Variants in SSC5D observed in about 807,000 individuals in gnomAD.
The protein encoded by SSC5D is soluble scavenger receptor cysteine-rich domain-containing protein SSC5D.
Under a neutral mutation model 104.6 loss-of-function variants are expected in SSC5D, and 106 were observed. The ratio of observed to expected loss-of-function variants is 1.01; its 90% CI spans 0.87 to 1.19. SSC5D has a LOEUF of 1.19. SSC5D is among the 50% of genes most tolerant of loss of function. The probability of loss-of-function intolerance (pLI) is 0.00; values close to 1 mark genes in which losing one functional copy is unlikely to be tolerated. For missense variants in SSC5D, 1,993 were observed against 2,153.8 expected, an observed-to-expected ratio of 0.93 and a Z score of 1.48; for synonymous variants, 860 against 883.5, an observed-to-expected ratio of 0.97 and a Z score of 0.47.
intron 2 of SSC5D, 49 bp from the exon 3 acceptor site, chr19:55,489,305 G>A (rs1263922750): frequency 7.1e-7 from 1 of 1,417,566 alleles, no homozygotes; most frequent in East Asian, 2.8e-5. Flanking sequence ...CTGGCCTTGG[G>A]GCCCCCAGGA....
Position 55,494,790 on chromosome 19 carries a change from C to T in SSC5D, c.1387+7C>T. On this transcript the variant is annotated splice_region_variant and intron_variant, in intron 8 of 13. Transcript: ENST00000389623. ...GAGCCTGGACCGGAAGCCGGTGAGT[C>T]CCTCCATGCTCCCCAAGAAAACAGG... 2 of 1,534,258 alleles carry T rather than the reference C, an allele frequency of 1.3e-6. No individual in the cohort carries two copies. The highest frequency in any genetic ancestry group is 1.2e-5 in the South Asian group (1 of 82,722).
In SSC5D at chr19:55,500,986, C is replaced by A. The variant is rs757529065; in HGVS notation, c.2618-48C>A. The A allele has an allele frequency of 1.9e-6, 3 of 1,548,546 alleles. No individual in the cohort carries two copies. Among genetic ancestry groups the A allele is most frequent in the Middle Eastern group, 1.7e-4 (1 of 5,980 alleles). On this transcript the variant is annotated intron_variant, in intron 11 of 13. Transcript: ENST00000389623. This position sits in a 1 kb window ranked among gnomAD's most constrained non-coding sequence, Gnocchi z 4.6. Reference sequence around the variant, plus strand: ...GGGGAGGGAAGAGCAGCAGCAAGGACCTCTGAGAAAGAGGATGGGGTCAAC... The same window carrying A: ...GGGGAGGGAAGAGCAGCAGCAAGGAACTCTGAGAAAGAGGATGGGGTCAAC...
In SSC5D at chr19:55,489,918, C is replaced by T; in HGVS notation, c.398C>T (p.Ser133Phe). 1.3e-6 allele frequency: 2 copies of T among 1,550,220 alleles called. No individual in the cohort carries two copies. Among genetic ancestry groups the T allele is most frequent in the Non-Finnish European group, 1.7e-6 (2 of 1,146,724 alleles). The part of the protein sequence containing the change: ...RVANSRDDST[S>F]PLDGAPWPGL... ...GCTAACTCCAGGGACGACTCAACAT[C>T]TCCCCTGGATGGGGCTCCCTGGCCA... Residue 133 changes from serine (S) to phenylalanine (F), a missense_variant, in exon 4 of 14, where the codon TCT becomes TTT. Around this residue, in one of 6 missense-constraint regions of SSC5D, gnomAD observed 1,101 missense variants for 1,085.0 expected, o/e 1.01. Coordinates refer to ENST00000389623, the MANE Select transcript of SSC5D (RefSeq NM_001144950.2).
rs1414307178 is a variant in SSC5D at position 55,509,280 on chromosome 19, G to C, written c.2786-3731G>C. Among the ~76,000 whole-genome samples the C allele has an allele frequency of 1.3e-5, 2 of 152,186 alleles. 1 individual carries two copies. The highest frequency in any genetic ancestry group is 4.8e-5 in the African/African-American group (2 of 41,438). ...TGAAGGCTGTAGGATAAAGGTGTGA[G>C]TGAGGATCCCCATGCACTTAGTGGG... is the stretch of plus-strand genomic sequence containing the variant. On this transcript the variant is annotated intron_variant, in intron 12 of 13. Coordinates refer to ENST00000389623, the MANE Select transcript of SSC5D (RefSeq NM_001144950.2).
chr19:55,507,551 A>G (rs1374728770), intron 12 of SSC5D, among the ~76,000 whole-genome samples: 1 of 151,072 alleles, frequency 6.6e-6, no homozygotes, highest in Non-Finnish European at 1.5e-5. Flanking sequence ...CTATAATCCC[A>G]GCTACTCGGG....
rs1466515521 is a variant in SSC5D, at chr19:55,501,164, T to A, written c.2748T>A (p.Gly916=). 6.5e-7 allele frequency: 1 copy of A among 1,545,796 alleles called. No individual in the cohort carries two copies. Among genetic ancestry groups the A allele is most frequent in the African/African-American group, 1.4e-5 (1 of 72,862 alleles). Residue 916 remains glycine (G), a synonymous_variant, in exon 12 of 14, where the codon GGT becomes GGA. Transcript: ENST00000389623. ...CCTGGAGGACCACCCGGCGCCCGGG[T>A]AGCTCCTCCCCAGCAATAAGGCGCC... ...TLPWRTTRRP[G]SSSPAIRRLP...
At chr19:55,516,384 C>T (rs1165449919) in intron 13 of SSC5D, among the ~76,000 whole-genome samples, 1 of 152,016 alleles carries the variant, frequency 6.6e-6, no homozygotes, top group African/African-American at 2.4e-5. Flanking sequence ...GTAGTCCCAG[C>T]TACTCGGGAG....
In SSC5D at chr19:55,494,691, C is replaced by T. The variant is rs923221056; in HGVS notation, c.1295C>T (p.Pro432Leu). 7.1e-6 allele frequency: 11 copies of T among 1,550,422 alleles called. No homozygotes were observed. The highest frequency in any genetic ancestry group is 1.4e-5 in the African/African-American group (1 of 73,138). Reference protein sequence around the residue: ...STPREAASRPPSTMTSQAPGT... With the variant: ...STPREAASRPLSTMTSQAPGT... ...CCCAGGGAGGCTGCCTCCAGGCCCC[C>T]GTCCACCATGACGAGCCAGGCTCCA... is the stretch of plus-strand genomic sequence containing the variant. The change falls in exon 8 of 14, where the codon CCG (proline) becomes CTG (leucine). Residue 432 changes from proline (P) to leucine (L), a missense_variant. Coordinates refer to ENST00000389623, the MANE Select transcript of SSC5D (RefSeq NM_001144950.2).
intron 13 of SSC5D, among the ~76,000 whole-genome samples, chr19:55,513,415 C>T (rs1987802840): frequency 1.3e-5 from 2 of 152,090 alleles, no homozygotes; most frequent in African/African-American, 2.4e-5. Context: ...ATGGTGAGCC[C>T]CCCAAGATAT....
intron 7 of SSC5D, 82 bp downstream of exon 7, chr19:55,493,994 G>GGCCCCC: frequency 1.4e-5 from 2 of 143,312 alleles, no homozygotes; most frequent in Non-Finnish European, 2.9e-5. Context: ...GGGCGGGGGG[G>GGCCCCC]TCCCTACGCG....
intron 2 of SSC5D, 25 bp downstream of exon 2, chr19:55,489,057 T>TGG: frequency 8.0e-7 from 1 of 1,247,970 alleles, no homozygotes; most frequent in Non-Finnish European, 1.0e-6. Flanking sequence ...TCCTCCCATC[T>TGG]GCCCGCCCCC....
intron 6 of SSC5D, 31 bp from the exon 7 acceptor site, chr19:55,493,564 C>T (rs1219550517): frequency 7.1e-7 from 1 of 1,406,562 alleles, no homozygotes; most frequent in East Asian, 2.9e-5. Context: ...CCCTCGTTTC[C>T]TGGCCCTGTG....
chr19:55,497,102 T>C (rs963431088), intron 8 of SSC5D, among the ~76,000 whole-genome samples: 47 of 152,332 alleles, frequency 3.1e-4, no homozygotes, highest in African/African-American at 1.1e-3. Flanking sequence ...TGAGAAGCCT[T>C]CTCCAGCTTC....
chr19:55,510,187 C>T (rs1407550860), intron 12 of SSC5D, among the ~76,000 whole-genome samples: 1 of 151,736 alleles, frequency 6.6e-6, no homozygotes, highest in Non-Finnish European at 1.5e-5. Flanking sequence ...TTAGTAGAGA[C>T]GGGGTTTCAA....
Position 55,500,620 on chromosome 19 carries a change from G to C in SSC5D, c.2433G>C (p.Trp811Cys). The change falls in exon 11 of 14, where the codon TGG (tryptophan) becomes TGC (cysteine). Residue 811 changes from tryptophan to cysteine, a missense_variant. Trp to Cys is a radical substitution (Grantham distance 215, BLOSUM62 -2). Coordinates refer to ENST00000389623, the MANE Select transcript of SSC5D (RefSeq NM_001144950.2). The surrounding 1 kb of genome is among the most constrained non-coding windows in gnomAD (Gnocchi z 4.6). Reference protein sequence around the residue: ...WDLRDATVACWELGCGKVRPR... With the variant: ...WDLRDATVACCELGCGKVRPR... ...TGCGGGACGCCACTGTGGCCTGCTG[G>C]GAACTGGGCTGTGGAAAGGTCCGGC... The C allele has an allele frequency of 7.1e-6, 11 of 1,551,788 alleles. No individual in the cohort carries two copies. Among genetic ancestry groups the C allele is most frequent in the Non-Finnish European group, 9.6e-6 (11 of 1,147,018 alleles).
chr19:55,490,656 C>A (rs529913621), intron 5 of SSC5D, 116 bp from the exon 6 acceptor site: 3 of 1,235,968 alleles, frequency 2.4e-6, no homozygotes, highest in South Asian at 1.6e-5. Context: ...GGGCTGCCGG[C>A]GGACAGATCT....
At position 55,518,548 on chromosome 19, in the gene SSC5D, C is replaced by T. The variant is rs995340037; in HGVS notation, c.4272C>T (p.Pro1424=). The T allele has an allele frequency of 4.6e-6, 7 of 1,532,500 alleles. No individual in the cohort carries two copies. In the African/African-American group the frequency reaches 1.2e-4, roughly 26 times the overall value. The allele number at this position is 1,532,500 out of a possible 1,614,324, so 94.9% of individuals were successfully genotyped here. ...AGAGCCCCAACCTAACCCCTCCACC[C>T]ACCCATACCCCACACTCAGCCTCTG... ...RSQSPNLTPP[P]THTPHSASDL... Residue 1424 remains proline, a synonymous_variant, in exon 14 of 14, where the codon CCC becomes CCT. Coordinates refer to ENST00000389623, the MANE Select transcript of SSC5D (RefSeq NM_001144950.2).
At chr19:55,496,748 G>GTTT (rs1346714851) in intron 8 of SSC5D, among the ~76,000 whole-genome samples, 1 of 141,760 alleles carries the variant, frequency 7.1e-6, no homozygotes, top group South Asian at 2.4e-4. Context: ...ATTTTTACCA[G>GTTT]TCTTTTTTTT....
chr19:55,488,568 A>G lies in SSC5D; in HGVS notation c.-22A>G, dbSNP rs1987019398. On this transcript the variant is annotated 5_prime_UTR_variant, in exon 1 of 14. Coordinates refer to ENST00000389623, the MANE Select transcript of SSC5D (RefSeq NM_001144950.2). ...CCCGCTCTCCTTCCCCTTTCACCCC[A>G]TCCCCTGCCCTGGCTGCAACCATGA... 1.3e-6 allele frequency: 2 copies of G among 1,521,230 alleles called. No individual in the cohort carries two copies. The highest frequency in any genetic ancestry group is 3.0e-5 in the African/African-American group (2 of 67,138). The allele number at this position is 1,521,230 out of a possible 1,614,324, so 94.2% of individuals were successfully genotyped here.
Sources: allele counts gnomAD v4.1 joint callset (sites outside exome capture counted in the v4.1 genomes callset), GRCh38; gene constraint gnomAD v4.1.1; regional missense constraint gnomAD v4.1.1; non-coding constraint Gnocchi (gnomAD v3.1); transcripts MANE v1.5; gene names NCBI Gene and HGNC (gene_info 2026-07-23, HGNC 2026-07-21).